Variants in SNTG1 observed in about 807,000 individuals in gnomAD.
The protein encoded by SNTG1 is syntrophin gamma 1.
In SNTG1, 39 loss-of-function variants were observed where a neutral mutation model predicts 74.7. The ratio of observed to expected loss-of-function variants is 0.52; its 90% CI spans 0.40 to 0.68. The LOEUF (loss-of-function observed/expected upper bound fraction) is 0.68, where lower values mean the gene tolerates loss of function less well. SNTG1 is among the 30% of genes least tolerant of loss of function. The probability of loss-of-function intolerance (pLI) is 0.00; values close to 1 mark genes in which losing one functional copy is unlikely to be tolerated. For synonymous variants in SNTG1, 254 were observed against 217.1 expected (o/e 1.17, Z -1.49); for missense variants, 685 against 609.5 (o/e 1.12, Z -1.30).
intron 1 of SNTG1, among the ~76,000 whole-genome samples, chr8:50,000,414 C>T (rs117743503): frequency 0.022 from 3,424 of 152,216 alleles, 51 homozygotes; most frequent in Non-Finnish European, 0.035. Flanking sequence ...ACTGCTGCTC[C>T]TCCGAGTTGT....
Position 49,940,181 on chromosome 8 carries a change from T to A in SNTG1, c.-103+27950T>A, listed in dbSNP as rs191139040. Among the ~76,000 whole-genome samples, 518 of 152,208 alleles carry A rather than the reference T, an allele frequency of 3.4e-3. 2 individuals carry two copies. The highest frequency in any genetic ancestry group is 0.012 in the African/African-American group (496 of 41,524). ...GCAGGATGGCACAAACCAAATGCCC[T>A]GAAAGACCTGGGAAACTGCACCAAA... On this transcript the variant is annotated intron_variant, in intron 1 of 18. Transcript: ENST00000642720.
chr8:50,030,002 C>G (rs568558008), intron 1 of SNTG1, among the ~76,000 whole-genome samples: 1 of 152,066 alleles, frequency 6.6e-6, no homozygotes, highest in African/African-American at 2.4e-5. Flanking sequence ...ACATCCTCAC[C>G]AGCATTTTTT....
chr8:50,028,095 CTA>C (rs1377768106), intron 1 of SNTG1, among the ~76,000 whole-genome samples: 1 of 152,094 alleles, frequency 6.6e-6, no homozygotes, highest in African/African-American at 2.4e-5. Context: ...TATTCCATTA[CTA>C]ACAAAGAGTG....
chr8:49,949,281 A>G (rs1219966508), intron 1 of SNTG1, among the ~76,000 whole-genome samples: 1 of 152,264 alleles, frequency 6.6e-6, no homozygotes, highest in Non-Finnish European at 1.5e-5. Context: ...CGATGTCATC[A>G]TGTGAAAAAT....
chr8:50,790,465 A>G (rs972095707), intron 18 of SNTG1, among the ~76,000 whole-genome samples: 46 of 151,844 alleles, frequency 3.0e-4, no homozygotes, highest in African/African-American at 8.9e-4. Context: ...CTGTCGGTGG[A>G]TGGATAGATA....
At chr8:50,649,442 T>G (rs1198045736) in intron 13 of SNTG1, among the ~76,000 whole-genome samples, 2 of 151,980 alleles carry the variant, frequency 1.3e-5, no homozygotes, top group Non-Finnish European at 2.9e-5. Flanking sequence ...GAGGTTGCAG[T>G]GAGCTGAGAT....
chr8:50,658,379 C>T (rs573558450), intron 14 of SNTG1, among the ~76,000 whole-genome samples: 2 of 151,978 alleles, frequency 1.3e-5, no homozygotes, highest in Non-Finnish European at 2.9e-5. Context: ...TAATATAAAT[C>T]ATTTGCTGAA....
intron 1 of SNTG1, among the ~76,000 whole-genome samples, chr8:50,008,826 G>A (rs1478101833): frequency 6.6e-6 from 1 of 152,114 alleles, no homozygotes. Flanking sequence ...ATTAAGATTT[G>A]TATAGATGCA....
At chr8:50,500,235 T>C (rs574709483) in intron 8 of SNTG1, among the ~76,000 whole-genome samples, 3 of 151,732 alleles carry the variant, frequency 2.0e-5, no homozygotes. Flanking sequence ...TTTTTCTTTT[T>C]TTTTTTTGGT....
chr8:50,693,352 G>A (rs934495803), intron 15 of SNTG1, among the ~76,000 whole-genome samples: 6 of 152,080 alleles, frequency 3.9e-5, no homozygotes, highest in African/African-American at 1.4e-4. Flanking sequence ...CACTCACTCT[G>A]GGAGCTGTAG....
At chr8:50,614,923 G>A (rs2094875812) in intron 13 of SNTG1, among the ~76,000 whole-genome samples, 2 of 151,024 alleles carry the variant, frequency 1.3e-5, no homozygotes, top group African/African-American at 4.9e-5. Context: ...GATAATCAGG[G>A]GTTTCAAGAA....
At chr8:50,590,077 C>A (rs2094681940) in intron 12 of SNTG1, among the ~76,000 whole-genome samples, 1 of 151,938 alleles carries the variant, frequency 6.6e-6, no homozygotes, top group South Asian at 2.1e-4. Context: ...TCACACTAGT[C>A]AGTAGGATAA....
intron 4 of SNTG1, among the ~76,000 whole-genome samples, chr8:50,409,677 A>G (rs947598417): frequency 4.6e-5 from 7 of 152,222 alleles, no homozygotes; most frequent in Non-Finnish European, 7.3e-5. Flanking sequence ...ACTCTAAGTC[A>G]GAGATATCTG....
chr8:50,385,440 G>A (rs533696629), intron 2 of SNTG1, among the ~76,000 whole-genome samples: 5 of 152,320 alleles, frequency 3.3e-5, no homozygotes, highest in Non-Finnish European at 5.9e-5. Context: ...CTTTGCTGAG[G>A]TAGAAGGTCC....
intron 13 of SNTG1, among the ~76,000 whole-genome samples, chr8:50,593,132 G>A (rs1016887115): frequency 8.6e-5 from 13 of 151,680 alleles, no homozygotes; most frequent in Admixed American, 6.6e-4. Context: ...AAGCTACAAT[G>A]AATCCGAAGT....
At chr8:50,130,541 A>G (rs1018633691) in intron 1 of SNTG1, among the ~76,000 whole-genome samples, 5 of 152,152 alleles carry the variant, frequency 3.3e-5, no homozygotes, top group African/African-American at 9.6e-5. Context: ...AGCAAAATAT[A>G]ACACTTTCAC....
intron 18 of SNTG1, among the ~76,000 whole-genome samples, chr8:50,778,666 T>A (rs777926150): frequency 3.1e-5 from 4 of 128,302 alleles, no homozygotes; most frequent in African/African-American, 9.6e-5. Context: ...CTGTTCACTC[T>A]GATGGTAGTT....
chr8:50,001,602 T>C (rs1412174597), intron 1 of SNTG1, among the ~76,000 whole-genome samples: 1 of 152,160 alleles, frequency 6.6e-6, no homozygotes, highest in Non-Finnish European at 1.5e-5. Context: ...GATTTTCAAC[T>C]CCTCTGTATA....
At chr8:50,490,586 G>C (rs1261771870) in intron 8 of SNTG1, among the ~76,000 whole-genome samples, 1 of 152,202 alleles carries the variant, frequency 6.6e-6, no homozygotes, top group African/African-American at 2.4e-5. Flanking sequence ...TTGGTGTACA[G>C]GAATGCTTGT....
Sources: allele counts gnomAD v4.1 joint callset (sites outside exome capture counted in the v4.1 genomes callset), GRCh38; gene constraint gnomAD v4.1.1; transcripts MANE v1.5; gene names NCBI Gene and HGNC (gene_info 2026-07-23, HGNC 2026-07-21).